CNTN5: variants seen among roughly 807,000 people sequenced by gnomAD.
The protein encoded by CNTN5 is contactin 5, also known as contactin-5.
Under a neutral mutation model 129.1 loss-of-function variants are expected in CNTN5, and 77 were observed. The ratio of observed to expected loss-of-function variants is 0.60; its 90% confidence interval spans 0.50 to 0.72. The LOEUF is 0.72. CNTN5 is among the 30% of genes least tolerant of loss of function. CNTN5 has a pLI of 0.00. For missense variants in CNTN5, 1,478 were observed against 1,328.8 expected (o/e 1.11, Z -1.75); for synonymous variants, 509 against 465.6 (o/e 1.09, Z -1.20).
chr11:99,490,070 T>C (rs1591152504), intron 2 of CNTN5, among the ~76,000 whole-genome samples: 1 of 152,174 alleles, frequency 6.6e-6, no homozygotes, highest in East Asian at 1.9e-4. Context: ...TTTAGTAATA[T>C]GATGACTTCA....
At chr11:99,158,485 T>G (rs1254977765) in intron 1 of CNTN5, among the ~76,000 whole-genome samples, 1 of 152,220 alleles carries the variant, frequency 6.6e-6, no homozygotes, top group African/African-American at 2.4e-5. Flanking sequence ...CTTTGAGATA[T>G]CTGTTTTATT....
intron 10 of CNTN5, among the ~76,000 whole-genome samples, chr11:100,065,344 A>G (rs1943657365): frequency 6.6e-6 from 1 of 151,992 alleles, no homozygotes; most frequent in Non-Finnish European, 1.5e-5. Flanking sequence ...AATTTTTATT[A>G]TGATTCTATA....
chr11:99,596,151 A>G (rs1213508286), intron 3 of CNTN5, among the ~76,000 whole-genome samples: 1 of 152,164 alleles, frequency 6.6e-6, no homozygotes, highest in East Asian at 1.9e-4. Context: ...GATAGTCAAG[A>G]AGACCATTAC....
At chr11:99,796,496 G>T (rs1341517780) in intron 3 of CNTN5, among the ~76,000 whole-genome samples, 6 of 152,056 alleles carry the variant, frequency 3.9e-5, no homozygotes, top group Non-Finnish European at 8.8e-5. Flanking sequence ...ACAAATGGCT[G>T]CTCTGCTGGA....
chr11:99,507,399 A>G (rs72991586), intron 2 of CNTN5, among the ~76,000 whole-genome samples: 23,568 of 146,604 alleles, frequency 0.16, 2,272 homozygotes, highest in East Asian at 0.36. Context: ...AAAAAAAGAA[A>G]GGTTTTTCAA....
At position 99,294,736 on chromosome 11, in the gene CNTN5, A is replaced by G. The variant is rs183956561; in HGVS notation, c.-209-30610A>G. The stretch of plus-strand genomic sequence containing the variant: ...GAGAACAGATGGAGGTGGAATGAGG[A>G]TACTCCTTATTTAGAGCATCACAGA... On this transcript the variant is annotated intron_variant, in intron 1 of 24. Coordinates refer to ENST00000524871, the MANE Select transcript of CNTN5 (RefSeq NM_014361.4). Among the ~76,000 whole-genome samples, 323 of 152,288 alleles carry G rather than the reference A, an allele frequency of 2.1e-3. 1 individual carries two copies. The highest frequency in any genetic ancestry group is 7.6e-3 in the African/African-American group (317 of 41,568).
At position 100,074,229 on chromosome 11, in the gene CNTN5, C is replaced by T. The variant is rs769911111; in HGVS notation, c.1515C>T (p.Pro505=). The change falls in exon 13 of 25, where the codon CCC becomes CCT. Residue 505 remains proline, a synonymous_variant. Coordinates refer to ENST00000524871, the MANE Select transcript of CNTN5 (RefSeq NM_014361.4). ...KDQEVVIECK[P]QGSPKPTISW... ...AAGAAGTTGTCATAGAGTGCAAACC[C>T]CAAGGCTCTCCAAAACCAACCATCT... 3 of 1,611,364 alleles carry T rather than the reference C, an allele frequency of 1.9e-6. No homozygotes were observed. Among genetic ancestry groups the T allele is most frequent in the Admixed American group, 3.3e-5 (2 of 59,712 alleles).
intron 15 of CNTN5, among the ~76,000 whole-genome samples, chr11:100,203,875 A>G (rs1355458207): frequency 2.0e-5 from 3 of 151,378 alleles, no homozygotes; most frequent in African/African-American, 7.3e-5. Context: ...ATCAAACTTC[A>G]TCTTCCAACA....
At chr11:99,840,891 A>G (rs1947466990) in intron 4 of CNTN5, among the ~76,000 whole-genome samples, 1 of 152,214 alleles carries the variant, frequency 6.6e-6, no homozygotes, top group Non-Finnish European at 1.5e-5. Flanking sequence ...ACCAGAAGAT[A>G]AAATTCACTG....
intron 2 of CNTN5, among the ~76,000 whole-genome samples, chr11:99,482,183 A>G (rs1945627465): frequency 6.6e-6 from 1 of 152,218 alleles, no homozygotes; most frequent in Admixed American, 6.5e-5. Flanking sequence ...TCCCTTTCAG[A>G]TACTGAGCAA....
At chr11:99,030,982 A>G (rs542137041) in intron 1 of CNTN5, among the ~76,000 whole-genome samples, 4 of 151,172 alleles carry the variant, frequency 2.6e-5, no homozygotes, top group African/African-American at 9.7e-5. Context: ...TATTTTTAGT[A>G]GAGACTGGGT....
chr11:99,223,104 G>A (rs1169706525), intron 1 of CNTN5, among the ~76,000 whole-genome samples: 1 of 152,064 alleles, frequency 6.6e-6, no homozygotes, highest in Non-Finnish European at 1.5e-5. Flanking sequence ...CACTTTGCAT[G>A]TAATTAGGGA....
intron 1 of CNTN5, among the ~76,000 whole-genome samples, chr11:99,171,837 A>C (rs1268296453): frequency 1.3e-5 from 2 of 152,110 alleles, no homozygotes; most frequent in Admixed American, 6.6e-5. Flanking sequence ...GGCACTTTTC[A>C]GTTACAGTAG....
intron 3 of CNTN5, among the ~76,000 whole-genome samples, chr11:99,640,304 A>T (rs1951724144): frequency 6.6e-6 from 1 of 152,214 alleles, no homozygotes; most frequent in South Asian, 2.1e-4. Flanking sequence ...AAATTCATAT[A>T]CAAAACTGGG....
In CNTN5 at chr11:100,271,107, C is replaced by G. The variant is rs760911612; in HGVS notation, c.2180C>G (p.Thr727Arg). 2 of 1,605,698 alleles carry G rather than the reference C, an allele frequency of 1.2e-6. No individual in the cohort carries two copies. Among genetic ancestry groups the G allele is most frequent in the Admixed American group, 3.5e-5 (2 of 57,458 alleles). ...QTVKTVPEII[T>R]GDMESAMAVD... Reference sequence around the variant, plus strand: ...CTTTCTATAGTCCCAGAAATCATAACAGGGGACATGGAGTCAGCCATGGCT... The same window carrying G: ...CTTTCTATAGTCCCAGAAATCATAAGAGGGGACATGGAGTCAGCCATGGCT... Residue 727 changes from threonine (T) to arginine (R), a missense_variant, in exon 18 of 25, where the codon ACA becomes AGA. Coordinates refer to ENST00000524871, the MANE Select transcript of CNTN5 (RefSeq NM_014361.4).
At chr11:99,774,212 T>C (rs1945041130) in intron 3 of CNTN5, among the ~76,000 whole-genome samples, 2 of 151,974 alleles carry the variant, frequency 1.3e-5, no homozygotes, top group African/African-American at 4.8e-5. Flanking sequence ...GTCTAGTACA[T>C]TGCAGATGCT....
intron 2 of CNTN5, among the ~76,000 whole-genome samples, chr11:99,496,194 G>T (rs550966710): frequency 5.7e-4 from 87 of 152,222 alleles, no homozygotes; most frequent in African/African-American, 2.0e-3. Context: ...ATAGAGAAGC[G>T]TGACGAGGAC....
chr11:99,209,995 T>A (rs533641407), intron 1 of CNTN5, among the ~76,000 whole-genome samples: 1 of 152,276 alleles, frequency 6.6e-6, no homozygotes, highest in Admixed American at 6.5e-5. Flanking sequence ...CAAAGTTCCA[T>A]CTGTGATTTG....
At chr11:99,747,318 C>CTTTGCAGT (rs1944085374) in intron 3 of CNTN5, among the ~76,000 whole-genome samples, 2 of 152,160 alleles carry the variant, frequency 1.3e-5, no homozygotes, top group Admixed American at 6.5e-5. Context: ...TTGGTGGAGT[C>CTTTGCAGT]TTTGCAGTTT....
Sources: allele counts gnomAD v4.1 joint callset (sites outside exome capture counted in the v4.1 genomes callset), GRCh38; gene constraint gnomAD v4.1.1; transcripts MANE v1.5; gene names NCBI Gene and HGNC (gene_info 2026-07-23, HGNC 2026-07-21).